ITGA11: variants seen among roughly 807,000 people sequenced by gnomAD.
The protein encoded by ITGA11 is integrin alpha-11.
ITGA11 carries 97 observed loss-of-function variants against 141.9 expected under a neutral mutation model. The observed-to-expected ratio is 0.68, with a 90% confidence interval of 0.58 to 0.81. The LOEUF (loss-of-function observed/expected upper bound fraction) is 0.81, where lower values mean the gene tolerates loss of function less well. ITGA11 is among the 30% of genes least tolerant of loss of function. The pLI is 0.00. For synonymous variants in ITGA11, 658 were observed against 624.6 expected (o/e 1.05, Z -0.80); for missense variants, 1,387 against 1,559.2 (o/e 0.89, Z 1.86).
intron 2 of ITGA11, among the ~76,000 whole-genome samples, chr15:68,385,717 C>T (rs1895969767): frequency 6.6e-6 from 1 of 152,112 alleles, no homozygotes; most frequent in Non-Finnish European, 1.5e-5. Context: ...GGTGGAAATG[C>T]TGCAGAAATG....
intron 1 of ITGA11, among the ~76,000 whole-genome samples, chr15:68,429,694 G>C (rs1897226751): frequency 6.6e-6 from 1 of 152,174 alleles, no homozygotes; most frequent in Non-Finnish European, 1.5e-5. Flanking sequence ...TGGAGCCTGA[G>C]GAGTGAACCC....
chr15:68,308,618 C>CTGTAGT lies in ITGA11; in HGVS notation c.3175-928_3175-923dup. Reference sequence around the variant, plus strand: ...ATTAGCCAGCCGTGGTGGCACGCGCCTGTAGTCCCAACTACTTGGGAGGCT... The same window carrying CTGTAGT: ...ATTAGCCAGCCGTGGTGGCACGCGCCTGTAGTTGTAGTCCCAACTACTTGGGAGGCT... On this transcript the variant is annotated intron_variant, in intron 26 of 29. Coordinates refer to ENST00000315757, the MANE Select transcript of ITGA11 (RefSeq NM_001004439.2). This position sits in a 1 kb window ranked among gnomAD's most constrained non-coding sequence, Gnocchi z 5.2. Among the ~76,000 whole-genome samples the CTGTAGT allele has an allele frequency of 6.6e-6, 1 of 152,130 alleles. No homozygotes were observed. The highest frequency in any genetic ancestry group is 1.9e-4 in the East Asian group (1 of 5,198).
intron 10 of ITGA11, among the ~76,000 whole-genome samples, chr15:68,345,588 A>G (rs766321278): frequency 5.9e-5 from 9 of 152,220 alleles, no homozygotes; most frequent in Non-Finnish European, 1.3e-4. Flanking sequence ...AGAACATTCT[A>G]CTAGGGATCT....
Position 68,311,915 on chromosome 15 carries a change from G to A in ITGA11, c.2974-512C>T, listed in dbSNP as rs543729625. ...CCAAGCAGGGCTTTGGAACCAGAAA[G>A]ACCAGGAATCTAATCCTGGGCCCAC... On this transcript the variant is annotated intron_variant, in intron 24 of 29. Transcript: ENST00000315757. Among the ~76,000 whole-genome samples, 377 of 152,292 alleles carry A rather than the reference G, an allele frequency of 2.5e-3. 2 individuals are homozygous for A. The highest frequency in any genetic ancestry group is 8.7e-3 in the African/African-American group (362 of 41,560).
In ITGA11 at chr15:68,332,383, G is replaced by A. The variant is rs373616131; in HGVS notation, c.1521C>T (p.Asn507=). 88 of 1,609,838 alleles carry A rather than the reference G, an allele frequency of 5.5e-5. No individual in the cohort carries two copies. The highest frequency in any genetic ancestry group is 6.8e-5 in the Non-Finnish European group (80 of 1,178,452). Residue 507 remains asparagine (N), a synonymous_variant, in exon 13 of 30, where the codon AAC becomes AAT. Transcript: ENST00000315757. ...VLLVGAPMYF[N]EGRERGKVYV... ...ACACCTTGCCTCGCTCACGGCCCTC[G>A]TTGAAGTACATGGGTGCGCCCACCA...
intron 1 of ITGA11, among the ~76,000 whole-genome samples, chr15:68,413,786 T>C (rs1212320912): frequency 6.6e-6 from 1 of 152,142 alleles, no homozygotes; most frequent in Non-Finnish European, 1.5e-5. Context: ...AATTTAGAAT[T>C]GGAAACCAGG....
At chr15:68,314,876 T>A (rs1893518045) in intron 22 of ITGA11, among the ~76,000 whole-genome samples, 2 of 152,142 alleles carry the variant, frequency 1.3e-5, no homozygotes, top group South Asian at 2.1e-4. Flanking sequence ...TAGTGTTCGG[T>A]TTGCCTGGGG....
intron 2 of ITGA11, among the ~76,000 whole-genome samples, chr15:68,391,372 C>G (rs1896118019): frequency 6.6e-6 from 1 of 152,240 alleles, no homozygotes; most frequent in Non-Finnish European, 1.5e-5. Flanking sequence ...GGAGTTGGTT[C>G]TGTCATATCT....
chr15:68,353,579 AT>A (rs1894979152), intron 7 of ITGA11, among the ~76,000 whole-genome samples: 1 of 152,252 alleles, frequency 6.6e-6, no homozygotes, highest in African/African-American at 2.4e-5. Context: ...TGTGAATGTC[AT>A]ATGAATCTGT....
At chr15:68,354,920 A>G (rs1895024801) in intron 7 of ITGA11, among the ~76,000 whole-genome samples, 1 of 152,236 alleles carries the variant, frequency 6.6e-6, no homozygotes, top group South Asian at 2.1e-4. Context: ...TTTCACCTTA[A>G]AAGGCACCAG....
intron 21 of ITGA11, among the ~76,000 whole-genome samples, chr15:68,316,533 C>T (rs1168074975): frequency 2.6e-5 from 4 of 152,180 alleles, no homozygotes; most frequent in East Asian, 1.9e-4. Flanking sequence ...CTGGGTTTGT[C>T]GGTGCCTCAA....
chr15:68,404,337 G>A (rs1039418952), intron 1 of ITGA11, among the ~76,000 whole-genome samples: 5 of 152,136 alleles, frequency 3.3e-5, no homozygotes, highest in African/African-American at 7.2e-5. Context: ...CAGCTGAAGC[G>A]AGCACAGAAA....
At chr15:68,379,529 T>C (rs79440536) in intron 2 of ITGA11, among the ~76,000 whole-genome samples, 4,694 of 152,294 alleles carry the variant, frequency 0.031, 155 homozygotes, top group Admixed American at 0.04. Flanking sequence ...ACAAGCTGCA[T>C]CTTCACTTTG....
chr15:68,394,169 C>G (rs1206984296), intron 2 of ITGA11, among the ~76,000 whole-genome samples: 4 of 152,092 alleles, frequency 2.6e-5, no homozygotes, highest in Non-Finnish European at 5.9e-5. Context: ...CAGTAAGAAA[C>G]AGTAATTTTG....
intron 1 of ITGA11, among the ~76,000 whole-genome samples, chr15:68,410,814 C>T (rs1446097711): frequency 2.0e-5 from 3 of 152,280 alleles, no homozygotes; most frequent in East Asian, 1.9e-4. Context: ...GGTGAGGGGA[C>T]GTGGTCCCTA....
intron 10 of ITGA11, among the ~76,000 whole-genome samples, chr15:68,344,194 C>T (rs1010330619): frequency 6.6e-6 from 1 of 152,082 alleles, no homozygotes; most frequent in African/African-American, 2.4e-5. Flanking sequence ...AGGACCTCAG[C>T]TGCTGTGTCC....
intron 14 of ITGA11, among the ~76,000 whole-genome samples, chr15:68,331,425 T>C (rs1156662063): frequency 6.6e-6 from 1 of 152,094 alleles, no homozygotes; most frequent in East Asian, 1.9e-4. Flanking sequence ...TGATAAACCG[T>C]GTGGGCAAAA....
Position 68,365,547 on chromosome 15 carries a change from GGTGTGTGT to G in ITGA11, c.266-757_266-750del, listed in dbSNP as rs58398705. 714 of 149,530 alleles carry G rather than the reference GGTGTGTGT, an allele frequency of 4.8e-3. 38 individuals are homozygous for G. The East Asian group carries it at 0.11, about 24-fold the overall frequency. 9.3% of individuals were successfully genotyped at this position (149,530 alleles called of 1,614,324 possible). A position where few individuals can be genotyped will look rare whatever the true frequency, so the allele number is the denominator to read the frequency against. On this transcript the variant is annotated intron_variant, in intron 3 of 29. Transcript: ENST00000315757. ...TCTGAATTCCCCAGAAGTGTGTTGG[GGTGTGTGT>G]GTGTGTGTGTGTGTGTGTGCACGTG...
intron 26 of ITGA11, among the ~76,000 whole-genome samples, chr15:68,309,660 A>G (rs760067675): frequency 5.4e-5 from 8 of 147,320 alleles, no homozygotes; most frequent in African/African-American, 1.3e-4. Context: ...AGTGGCGCCA[A>G]CTTGGCTCAT....
Sources: allele counts gnomAD v4.1 joint callset (sites outside exome capture counted in the v4.1 genomes callset), GRCh38; gene constraint gnomAD v4.1.1; non-coding constraint Gnocchi (gnomAD v3.1); transcripts MANE v1.5; gene names NCBI Gene and HGNC (gene_info 2026-07-23, HGNC 2026-07-21).